ADAMTSL3: variants seen among roughly 807,000 people sequenced by gnomAD.
The protein encoded by ADAMTSL3 is ADAMTS-like protein 3.
ADAMTSL3 carries 128 observed loss-of-function variants against 201.7 expected under a neutral mutation model. The ratio of observed to expected loss-of-function variants is 0.63; its 90% CI spans 0.55 to 0.73. ADAMTSL3 has a LOEUF of 0.73. Among genes scored for constraint, ADAMTSL3 ranks in the 30% least tolerant of loss-of-function variants. The pLI is 0.00. For missense variants in ADAMTSL3, 1,990 were observed against 2,119.6 expected, an observed-to-expected ratio of 0.94 and a Z score of 1.20; for synonymous variants, 738 against 748.4, an observed-to-expected ratio of 0.99 and a Z score of 0.23.
intron 19 of ADAMTSL3, among the ~76,000 whole-genome samples, chr15:83,959,779 G>A (rs2066927264): frequency 6.6e-6 from 1 of 152,208 alleles, no homozygotes; most frequent in Non-Finnish European, 1.5e-5. Flanking sequence ...TAATGGCACT[G>A]ATTATGACAT....
chr15:84,006,618 C>T (rs1390541065), intron 23 of ADAMTSL3, among the ~76,000 whole-genome samples: 1 of 152,162 alleles, frequency 6.6e-6, no homozygotes, highest in East Asian at 1.9e-4. Context: ...ATTGTGGAAA[C>T]AGAATGTTGA....
intron 2 of ADAMTSL3, among the ~76,000 whole-genome samples, chr15:83,680,159 C>T (rs1356326960): frequency 3.3e-5 from 5 of 152,074 alleles, no homozygotes; most frequent in Non-Finnish European, 2.9e-5. Context: ...GCTTTTATTT[C>T]CTTTTTGTCT....
rs766779115 is a variant in ADAMTSL3 at position 83,842,382 on chromosome 15, C to A, written c.727+4167C>A. ...GAGCACACTGTAACACATGCTGGAA[C>A]TTTGGGAGCTGTAAACATTCAACTC... On this transcript the variant is annotated intron_variant, in intron 7 of 29. Coordinates refer to ENST00000286744, the MANE Select transcript of ADAMTSL3 (RefSeq NM_207517.3). Among the ~76,000 whole-genome samples, 4 of 152,134 alleles carry A rather than the reference C, an allele frequency of 2.6e-5. No individual in the cohort carries two copies. The South Asian group carries it at 8.3e-4, about 32-fold the overall frequency.
chr15:84,014,095 A>G (rs910336515), intron 23 of ADAMTSL3, among the ~76,000 whole-genome samples: 3 of 152,214 alleles, frequency 2.0e-5, no homozygotes, highest in African/African-American at 7.2e-5. Context: ...TATGCACAGC[A>G]AACAACTTAA....
At chr15:83,901,550 A>G (rs1365560849) in intron 15 of ADAMTSL3, among the ~76,000 whole-genome samples, 1 of 152,260 alleles carries the variant, frequency 6.6e-6, no homozygotes, top group Non-Finnish European at 1.5e-5. Flanking sequence ...TTTCCAAAAA[A>G]GAAGAAAACG....
chr15:84,021,582 C>T lies in ADAMTSL3; in HGVS notation c.4446C>T (p.Asp1482=). 6.2e-7 allele frequency: 1 copy of T among 1,614,008 alleles called. No homozygotes were observed. Among genetic ancestry groups the T allele is most frequent in the Non-Finnish European group, 8.5e-7 (1 of 1,179,952 alleles). Residue 1482 remains aspartate (D), a synonymous_variant, in exon 26 of 30, where the codon GAC becomes GAT. Transcript: ENST00000286744. ...LAGFEPCNIR[D]CPARWFTSVW... ...GGTTTGAGCCCTGTAACATCCGGGACTGCCCAGCGAGGTAAGTGAAGTCAC... is the reference window on the plus strand; with the variant it reads ...GGTTTGAGCCCTGTAACATCCGGGATTGCCCAGCGAGGTAAGTGAAGTCAC...
In ADAMTSL3 at chr15:84,014,787, G is replaced by T. The variant is rs944408624; in HGVS notation, c.4156+63G>T. ...TGTAATATGCACAAAGTAGGCCCCA[G>T]TTTTGTTGATTTTGGAGTTGAGTGA... is the stretch of plus-strand genomic sequence containing the variant. On this transcript the variant is annotated intron_variant, in intron 24 of 29. Transcript: ENST00000286744. The T allele has an allele frequency of 9.4e-6, 14 of 1,484,638 alleles. No individual in the cohort carries two copies. In the Admixed American group the frequency reaches 2.0e-4, roughly 21 times the overall value. 92.0% of individuals were successfully genotyped at this position (1,484,638 alleles called of 1,614,324 possible).
chr15:83,805,948 A>G (rs1405865838), intron 5 of ADAMTSL3, among the ~76,000 whole-genome samples: 1 of 152,202 alleles, frequency 6.6e-6, no homozygotes, highest in Non-Finnish European at 1.5e-5. Flanking sequence ...GGCAGTCCTC[A>G]CAGGCCCTGA....
chr15:83,877,329 A>G (rs747126529), intron 9 of ADAMTSL3, among the ~76,000 whole-genome samples: 7 of 152,258 alleles, frequency 4.6e-5, no homozygotes, highest in Non-Finnish European at 8.8e-5. Context: ...ATTGTGAGGT[A>G]TAATAGAATC....
chr15:84,003,727 C>T (rs1317233142), intron 23 of ADAMTSL3, among the ~76,000 whole-genome samples: 1 of 152,202 alleles, frequency 6.6e-6, no homozygotes, highest in Non-Finnish European at 1.5e-5. Context: ...CCAAGACTCT[C>T]TGCTTTTGGT....
intron 3 of ADAMTSL3, among the ~76,000 whole-genome samples, chr15:83,753,574 G>A (rs569797347): frequency 6.6e-6 from 1 of 152,134 alleles, no homozygotes; most frequent in Non-Finnish European, 1.5e-5. Context: ...ATGTGAAATG[G>A]CTAACCATGG....
At position 83,655,799 on chromosome 15, in the gene ADAMTSL3, G is replaced by C; in HGVS notation, c.38G>C (p.Gly13Ala). ...ACGAGCCCCTGGTGGGTGCTGATAGGGATGGTCTTCATGCACTCTCCCCTC... is the reference window on the plus strand; with the variant it reads ...ACGAGCCCCTGGTGGGTGCTGATAGCGATGGTCTTCATGCACTCTCCCCTC... ...SWTSPWWVLI[G>A]MVFMHSPLPQ... The change falls in exon 2 of 30, where the codon GGG (glycine) becomes GCG (alanine). Residue 13 changes from glycine (G) to alanine (A), a missense_variant. Physicochemically the swap from Gly to Ala is moderately conservative, Grantham distance 60. Coordinates refer to ENST00000286744, the MANE Select transcript of ADAMTSL3 (RefSeq NM_207517.3). 6.2e-7 allele frequency: 1 copy of C among 1,614,104 alleles called. No individual in the cohort carries two copies. Among genetic ancestry groups the C allele is most frequent in the East Asian group, 2.2e-5 (1 of 44,870 alleles).
At chr15:83,801,902 C>G (rs910547989) in intron 4 of ADAMTSL3, among the ~76,000 whole-genome samples, 1 of 151,342 alleles carries the variant, frequency 6.6e-6, no homozygotes, top group Admixed American at 6.6e-5. Context: ...ATGAAACACA[C>G]GACTGGATAC....
intron 24 of ADAMTSL3, among the ~76,000 whole-genome samples, 185 bp from the exon 25 acceptor site, chr15:84,016,198 A>G (rs1203862026): frequency 2.0e-5 from 3 of 152,326 alleles, no homozygotes; most frequent in South Asian, 4.1e-4. Flanking sequence ...TCTAAACTCT[A>G]TAACACCCCA....
chr15:83,824,490 C>A (rs569777771), intron 6 of ADAMTSL3, among the ~76,000 whole-genome samples: 15 of 152,260 alleles, frequency 9.9e-5, no homozygotes, highest in African/African-American at 3.6e-4. Context: ...ATCATAATCA[C>A]CCAAAGTTCA....
intron 2 of ADAMTSL3, among the ~76,000 whole-genome samples, chr15:83,693,315 G>A (rs1274339388): frequency 6.6e-6 from 1 of 152,186 alleles, no homozygotes; most frequent in Non-Finnish European, 1.5e-5. Context: ...GAACAGCCAG[G>A]GACAGCAGGA....
chr15:83,691,681 C>G (rs2061610104), intron 2 of ADAMTSL3, among the ~76,000 whole-genome samples: 1 of 152,204 alleles, frequency 6.6e-6, no homozygotes, highest in Non-Finnish European at 1.5e-5. Context: ...ATGGTGCGAT[C>G]TTGGCTCATT....
chr15:83,930,983 A>T (rs1320600050), intron 17 of ADAMTSL3, among the ~76,000 whole-genome samples: 1 of 152,206 alleles, frequency 6.6e-6, no homozygotes, highest in African/African-American at 2.4e-5. Flanking sequence ...ACCCAAAGGC[A>T]AATGTATTTG....
chr15:83,771,315 C>G (rs1054984690), intron 3 of ADAMTSL3, among the ~76,000 whole-genome samples: 2 of 151,946 alleles, frequency 1.3e-5, no homozygotes, highest in African/African-American at 4.8e-5. Flanking sequence ...GAGATCTACC[C>G]TTTTAATAAA....
Sources: gnomAD v4.1 joint callset for allele counts (sites outside exome capture counted in the v4.1 genomes callset) on GRCh38, gnomAD v4.1.1 for gene constraint, MANE v1.5 for transcripts, NCBI Gene and HGNC (gene_info 2026-07-23, HGNC 2026-07-21) for gene names.